Variants in SMAP1 observed in about 807,000 individuals in gnomAD.
SMAP1 encodes stromal membrane-associated protein 1.
In SMAP1, 24 loss-of-function variants were observed where a neutral mutation model predicts 58.5. The observed-to-expected ratio is 0.41, with a 90% CI of 0.30 to 0.58. The LOEUF is 0.58. SMAP1 is among the 20% of genes least tolerant of loss of function. The pLI is 0.29. For synonymous variants in SMAP1, 216 were observed against 196.6 expected (o/e 1.10, Z -0.82); for missense variants, 563 against 566.3 (o/e 0.99, Z 0.06).
chr6:70,832,025 T>G (rs1770381057), intron 6 of SMAP1, among the ~76,000 whole-genome samples: 1 of 152,198 alleles, frequency 6.6e-6, no homozygotes. Flanking sequence ...ATTAGTGATG[T>G]TGAGCATTTT....
chr6:70,725,855 T>C (rs1768758763), intron 1 of SMAP1, among the ~76,000 whole-genome samples: 1 of 152,236 alleles, frequency 6.6e-6, no homozygotes, highest in African/African-American at 2.4e-5. Flanking sequence ...TTTAGAAGGA[T>C]TGATAGTTCT....
intron 4 of SMAP1, among the ~76,000 whole-genome samples, chr6:70,790,112 C>G (rs964023998): frequency 1.3e-5 from 2 of 152,170 alleles, no homozygotes; most frequent in Non-Finnish European, 2.9e-5. Context: ...CAGCTATCTT[C>G]TAAAGTGATC....
intron 6 of SMAP1, among the ~76,000 whole-genome samples, chr6:70,802,548 T>C (rs1347692091): frequency 6.6e-6 from 1 of 152,220 alleles, no homozygotes; most frequent in Non-Finnish European, 1.5e-5. Flanking sequence ...CACTGTTGAA[T>C]AGGAGTGGTG....
At chr6:70,833,883 C>T (rs1167072237) in intron 6 of SMAP1, among the ~76,000 whole-genome samples, 1 of 152,166 alleles carries the variant, frequency 6.6e-6, no homozygotes, top group Non-Finnish European at 1.5e-5. Context: ...TAGGATTTCT[C>T]TTATTCTCGC....
At chr6:70,787,437 A>G (rs370965871) in intron 4 of SMAP1, among the ~76,000 whole-genome samples, 4 of 152,170 alleles carry the variant, frequency 2.6e-5, no homozygotes, top group East Asian at 1.9e-4. Flanking sequence ...ACAAAAGCCA[A>G]AATTGACAAA....
At chr6:70,746,092 T>C (rs1214783324) in intron 2 of SMAP1, among the ~76,000 whole-genome samples, 2 of 152,220 alleles carry the variant, frequency 1.3e-5, no homozygotes, top group African/African-American at 2.4e-5. Flanking sequence ...TGGGGTTTTC[T>C]AAATATACAA....
chr6:70,716,264 C>G (rs1768265566), intron 1 of SMAP1, among the ~76,000 whole-genome samples: 3 of 152,286 alleles, frequency 2.0e-5, no homozygotes, highest in Non-Finnish European at 4.4e-5. Context: ...GCTTGTTTTC[C>G]TGCAGCTATA....
At chr6:70,839,505 T>A (rs1241842908) in intron 7 of SMAP1, among the ~76,000 whole-genome samples, 3 of 151,552 alleles carry the variant, frequency 2.0e-5, no homozygotes, top group Non-Finnish European at 4.4e-5. Context: ...GTCACTCTTT[T>A]GGACAGTGGA....
chr6:70,668,344 C>A (rs1242622105), intron 1 of SMAP1, among the ~76,000 whole-genome samples: 1 of 152,124 alleles, frequency 6.6e-6, no homozygotes, highest in African/African-American at 2.4e-5. Context: ...AGGTCAGGCC[C>A]GCAGGCCCTG....
At chr6:70,810,489 A>G (rs550166633) in intron 6 of SMAP1, among the ~76,000 whole-genome samples, 272 of 152,350 alleles carry the variant, frequency 1.8e-3, no homozygotes, top group Non-Finnish European at 3.0e-3. Context: ...ATGGAAATAT[A>G]TATATCCACA....
At chr6:70,706,888 A>G (rs561323238) in intron 1 of SMAP1, among the ~76,000 whole-genome samples, 1 of 152,180 alleles carries the variant, frequency 6.6e-6, no homozygotes, top group Non-Finnish European at 1.5e-5. Flanking sequence ...TAGCCCCAGG[A>G]TATATCAAAT....
At chr6:70,806,400 A>T (rs535362144) in intron 6 of SMAP1, among the ~76,000 whole-genome samples, 2 of 152,248 alleles carry the variant, frequency 1.3e-5, no homozygotes, top group African/African-American at 4.8e-5. Flanking sequence ...CCGTTTTTCC[A>T]GGTAGTCTGT....
chr6:70,776,142 A>G (rs1332980992), intron 4 of SMAP1, among the ~76,000 whole-genome samples: 1 of 152,108 alleles, frequency 6.6e-6, no homozygotes, highest in African/African-American at 2.4e-5. Flanking sequence ...GTACTAGAGT[A>G]CTTAAGGGGT....
At chr6:70,696,940 T>A (rs1001502565) in intron 1 of SMAP1, among the ~76,000 whole-genome samples, 1 of 152,234 alleles carries the variant, frequency 6.6e-6, no homozygotes, top group Non-Finnish European at 1.5e-5. Flanking sequence ...CATATATATT[T>A]ACAATTGTTA....
At chr6:70,770,890 T>C (rs1381050765) in intron 3 of SMAP1, among the ~76,000 whole-genome samples, 2 of 152,158 alleles carry the variant, frequency 1.3e-5, no homozygotes, top group Non-Finnish European at 2.9e-5. Flanking sequence ...TTATCTACTT[T>C]TGGTCTTTGA....
chr6:70,714,759 A>G (rs930789772), intron 1 of SMAP1, among the ~76,000 whole-genome samples: 8 of 152,220 alleles, frequency 5.3e-5, no homozygotes, highest in African/African-American at 1.9e-4. Context: ...TTCAACTTGA[A>G]TAACTACCTT....
intron 1 of SMAP1, among the ~76,000 whole-genome samples, chr6:70,716,404 C>T (rs1402017824): frequency 6.6e-6 from 1 of 152,164 alleles, no homozygotes; most frequent in East Asian, 1.9e-4. Context: ...ATGCCACTGC[C>T]TATCTGAGGG....
At chr6:70,681,549 C>A (rs1314626377) in intron 1 of SMAP1, among the ~76,000 whole-genome samples, 2 of 152,180 alleles carry the variant, frequency 1.3e-5, no homozygotes, top group Non-Finnish European at 2.9e-5. Flanking sequence ...ATATACACTC[C>A]TAAAGTTATT....
chr6:70,699,977 G>A (rs2347429), intron 1 of SMAP1, among the ~76,000 whole-genome samples: 14 of 151,870 alleles, frequency 9.2e-5, no homozygotes, highest in African/African-American at 3.1e-4. Context: ...AGGTGATATG[G>A]TTTGGGTATT....
Sources: allele counts gnomAD v4.1 joint callset (sites outside exome capture counted in the v4.1 genomes callset), GRCh38; gene constraint gnomAD v4.1.1; transcripts MANE v1.5; gene names NCBI Gene and HGNC (gene_info 2026-07-23, HGNC 2026-07-21).